Variants in PAX5 observed in about 807,000 individuals in gnomAD.
The protein encoded by PAX5 is paired box 5, also known as paired box protein Pax-5.
PAX5 carries 9 observed loss-of-function variants against 43.7 expected under a neutral mutation model. The ratio of observed to expected loss-of-function variants is 0.21; its 90% confidence interval spans 0.12 to 0.36. PAX5 has a LOEUF of 0.36. PAX5 is among the 10% of genes least tolerant of loss of function. The pLI is 1.00. For synonymous variants in PAX5, 228 were observed against 214.3 expected, an observed-to-expected ratio of 1.06 and a Z score of -0.56; for missense variants, 383 against 532.7, an observed-to-expected ratio of 0.72 and a Z score of 2.77.
At chr9:36,851,177 C>A (rs764842294) in intron 8 of PAX5, among the ~76,000 whole-genome samples, 41 of 152,184 alleles carry the variant, frequency 2.7e-4, no homozygotes, top group Non-Finnish European at 5.3e-4. Flanking sequence ...AAGAATGTTA[C>A]TGGAAGAACA....
chr9:36,913,227 T>C (rs1025043126), intron 7 of PAX5, among the ~76,000 whole-genome samples: 9 of 152,186 alleles, frequency 5.9e-5, no homozygotes, highest in African/African-American at 2.2e-4. Context: ...AGGGGGAGCC[T>C]CAGTCCCCAG....
chr9:36,925,436 G>A (rs1478698741), intron 6 of PAX5, among the ~76,000 whole-genome samples: 1 of 152,140 alleles, frequency 6.6e-6, no homozygotes, highest in African/African-American at 2.4e-5. Flanking sequence ...AAGACAGGGT[G>A]GTATTGGCAC....
Position 36,882,184 on chromosome 9 carries a change from C to A in PAX5, c.911-79G>T. The A allele has an allele frequency of 8.3e-7, 1 of 1,202,194 alleles. No individual in the cohort carries two copies. Among genetic ancestry groups the A allele is most frequent in the African/African-American group, 1.5e-5 (1 of 65,942 alleles). The allele number at this position is 1,202,194 out of a possible 1,614,324, so 74.5% of individuals were successfully genotyped here. On this transcript the variant is annotated intron_variant, in intron 7 of 9. Transcript: ENST00000358127. The surrounding 1 kb of genome is among the most constrained non-coding windows in gnomAD (Gnocchi z 4.4). ...CATGTCCACAGCTCCCTGGACGCTT[C>A]TGCACATTTGTCACGTTTGGACGCT...
intron 8 of PAX5, among the ~76,000 whole-genome samples, chr9:36,856,843 A>G (rs1415291032): frequency 6.6e-6 from 1 of 152,202 alleles, no homozygotes; most frequent in Non-Finnish European, 1.5e-5. Context: ...GATTACAAAG[A>G]TAGGAAGGCT....
At chr9:37,005,279 T>C (rs188777489) in intron 4 of PAX5, among the ~76,000 whole-genome samples, 1 of 152,322 alleles carries the variant, frequency 6.6e-6, no homozygotes, top group African/African-American at 2.4e-5. Flanking sequence ...ATATTCCCCC[T>C]TTACCTTGAG....
chr9:36,908,271 G>T (rs1463062187), intron 7 of PAX5, among the ~76,000 whole-genome samples: 1 of 151,188 alleles, frequency 6.6e-6, no homozygotes, highest in Non-Finnish European at 1.5e-5. Context: ...AGCCAAGAGT[G>T]GATGGCTTCC....
chr9:36,982,923 C>T (rs1836064187), intron 5 of PAX5, among the ~76,000 whole-genome samples: 1 of 152,112 alleles, frequency 6.6e-6, no homozygotes, highest in Non-Finnish European at 1.5e-5. Context: ...ATGATCAGAT[C>T]AGAGGAGATT....
chr9:36,931,242 A>G (rs12236352), intron 6 of PAX5, among the ~76,000 whole-genome samples: 125,428 of 152,202 alleles, frequency 0.82, 52,219 homozygotes, highest in East Asian at 0.92. Flanking sequence ...GTGTCTCCAG[A>G]GCCTGGCTCC....
intron 8 of PAX5, among the ~76,000 whole-genome samples, chr9:36,849,892 C>G (rs1822984361): frequency 6.6e-6 from 1 of 152,192 alleles, no homozygotes; most frequent in Admixed American, 6.5e-5. Context: ...GCTGGGGACT[C>G]TGGGATGGTG....
rs536755398 is a variant in PAX5 at position 36,946,154 on chromosome 9, T to A, written c.780+20395A>T. Reference sequence around the variant, plus strand: ...TGCTCTGTCAGGATGCAGTGCTCCATCAGGAAGCGACTCCCTGAGGAGTGC... The same window carrying A: ...TGCTCTGTCAGGATGCAGTGCTCCAACAGGAAGCGACTCCCTGAGGAGTGC... On this transcript the variant is annotated intron_variant, in intron 6 of 9. Transcript: ENST00000358127. 8.5e-5 allele frequency among the ~76,000 whole-genome samples: 13 copies of A among 152,102 alleles called. No homozygotes were observed. In the East Asian group the frequency reaches 2.5e-3, roughly 29 times the overall value.
intron 1 of PAX5, among the ~76,000 whole-genome samples, chr9:37,021,741 C>G (rs549187178): frequency 3.3e-5 from 5 of 152,130 alleles, no homozygotes; most frequent in Non-Finnish European, 5.9e-5. Flanking sequence ...AAGAGCCAAA[C>G]CAGTAAACAC....
chr9:37,033,131 G>A (rs965397011), intron 1 of PAX5, among the ~76,000 whole-genome samples: 1 of 152,240 alleles, frequency 6.6e-6, no homozygotes, highest in African/African-American at 2.4e-5. Flanking sequence ...CATCTGCAAG[G>A]TTGTGCCTGC....
At chr9:36,930,932 G>T (rs1588006297) in intron 6 of PAX5, 3 of 945,056 alleles carry the variant, frequency 3.2e-6, no homozygotes, top group Admixed American at 4.6e-5. Flanking sequence ...TGTCTCATCA[G>T]CACGGGGCAC....
intron 1 of PAX5, chr9:37,026,626 A>G: frequency 7.4e-7 from 1 of 1,351,600 alleles, no homozygotes; most frequent in Non-Finnish European, 9.7e-7. Context: ...CCCGGCGCCA[A>G]GGGGCTGCCC....
intron 5 of PAX5, among the ~76,000 whole-genome samples, chr9:36,993,363 A>G (rs1837093456): frequency 6.6e-6 from 1 of 152,220 alleles, no homozygotes; most frequent in African/African-American, 2.4e-5. Flanking sequence ...AAGCTCCTTG[A>G]AGTCCTTGAT....
chr9:36,890,276 C>T (rs971201489), intron 7 of PAX5, among the ~76,000 whole-genome samples: 5 of 151,706 alleles, frequency 3.3e-5, no homozygotes, highest in Non-Finnish European at 7.4e-5. Context: ...GAGGTGGGGG[C>T]GGGATCCTGG....
intron 6 of PAX5, among the ~76,000 whole-genome samples, chr9:36,936,440 G>T (rs147939815): frequency 2.4e-4 from 37 of 152,306 alleles, no homozygotes; most frequent in African/African-American, 7.5e-4. Context: ...CTTCTTCCAG[G>T]CAGTCCATGA....
At chr9:36,917,859 G>A (rs561756816) in intron 7 of PAX5, among the ~76,000 whole-genome samples, 3 of 152,268 alleles carry the variant, frequency 2.0e-5, no homozygotes, top group East Asian at 1.9e-4. Context: ...TAATTTTTGC[G>A]ACATTTCACA....
chr9:37,021,062 C>T (rs889808004), intron 1 of PAX5, among the ~76,000 whole-genome samples: 2 of 152,102 alleles, frequency 1.3e-5, no homozygotes, highest in African/African-American at 4.8e-5. Flanking sequence ...GCATTTTCCC[C>T]GTAATTTTTC....
Sources: allele counts gnomAD v4.1 joint callset (sites outside exome capture counted in the v4.1 genomes callset), GRCh38; gene constraint gnomAD v4.1.1; non-coding constraint Gnocchi (gnomAD v3.1); transcripts MANE v1.5; gene names NCBI Gene and HGNC (gene_info 2026-07-23, HGNC 2026-07-21).